The following GPATCH2 variants were observed in gnomAD, a reference collection of about 807,000 sequenced individuals.
GPATCH2 encodes the protein G-patch domain containing 2.
In GPATCH2, 51 loss-of-function variants were observed where a neutral mutation model predicts 58.0. The observed-to-expected ratio is 0.88, with a 90% CI of 0.70 to 1.11. The LOEUF is 1.11. Ranked by LOEUF, GPATCH2 falls within the 50% of genes most tolerant of loss-of-function variation. GPATCH2 has a pLI of 0.00. For synonymous variants in GPATCH2, 222 were observed against 218.5 expected (o/e 1.02, Z -0.14); for missense variants, 625 against 652.2 (o/e 0.96, Z 0.45).
At chr1:217,465,667 T>G (rs1307753988) in intron 8 of GPATCH2, among the ~76,000 whole-genome samples, 1 of 152,238 alleles carries the variant, frequency 6.6e-6, no homozygotes, top group Non-Finnish European at 1.5e-5. Flanking sequence ...CTGCCTTTCA[T>G]TCTTCACCGT....
At chr1:217,615,243 A>G (rs747862043) in intron 2 of GPATCH2, among the ~76,000 whole-genome samples, 23 of 152,152 alleles carry the variant, frequency 1.5e-4, no homozygotes, top group Non-Finnish European at 3.2e-4. Flanking sequence ...TCTGAATATA[A>G]TTTGTTTCTG....
At chr1:217,464,948 G>C (rs1660376674) in intron 8 of GPATCH2, among the ~76,000 whole-genome samples, 1 of 151,994 alleles carries the variant, frequency 6.6e-6, no homozygotes, top group African/African-American at 2.4e-5. Context: ...AACTACACCT[G>C]ATAATTCTAA....
At chr1:217,610,836 T>A in intron 4 of GPATCH2, 53 bp downstream of exon 4, 1 of 1,240,930 alleles carries the variant, frequency 8.1e-7, no homozygotes, top group Non-Finnish European at 1.2e-6. Context: ...GAATGAATAT[T>A]CCTAGACTGA....
chr1:217,595,837 T>C (rs978421608), intron 5 of GPATCH2, among the ~76,000 whole-genome samples: 3 of 152,106 alleles, frequency 2.0e-5, no homozygotes, highest in Non-Finnish European at 4.4e-5. Context: ...GAAAATCTGT[T>C]TGTGAACCCA....
chr1:217,433,896 T>G lies in GPATCH2; in HGVS notation c.1367-2531A>C, dbSNP rs895671182. On this transcript the variant is annotated intron_variant, in intron 9 of 9. Transcript: ENST00000366935. ...AAGGAAAGCCACAAAGTGCTAGACA[T>G]GAGTTTTAATACCTACACCCCTGTT... Among the ~76,000 whole-genome samples, 3 of 152,158 alleles carry G rather than the reference T, an allele frequency of 2.0e-5. No individual in the cohort carries two copies. In the East Asian group the frequency reaches 5.8e-4, roughly 29 times the overall value.
At chr1:217,612,975 C>A (rs1215656925) in intron 3 of GPATCH2, among the ~76,000 whole-genome samples, 1 of 152,122 alleles carries the variant, frequency 6.6e-6, no homozygotes, top group African/African-American at 2.4e-5. Context: ...GCATATCATT[C>A]TAAGCCTTTC....
At chr1:217,581,244 G>T (rs1667069555) in intron 5 of GPATCH2, among the ~76,000 whole-genome samples, 1 of 152,072 alleles carries the variant, frequency 6.6e-6, no homozygotes, top group Non-Finnish European at 1.5e-5. Flanking sequence ...GGTTAATAAG[G>T]TTAGTAAGCA....
intron 5 of GPATCH2, among the ~76,000 whole-genome samples, chr1:217,534,655 C>T (rs138181593): frequency 1.4e-4 from 22 of 152,186 alleles, no homozygotes; most frequent in African/African-American, 4.8e-4. Flanking sequence ...CACCACCACC[C>T]GGATTAAGCA....
At chr1:217,554,234 T>C (rs1665508014) in intron 5 of GPATCH2, among the ~76,000 whole-genome samples, 1 of 152,188 alleles carries the variant, frequency 6.6e-6, no homozygotes, top group Non-Finnish European at 1.5e-5. Context: ...CCATTTGCAA[T>C]TCATCACCTA....
intron 8 of GPATCH2, among the ~76,000 whole-genome samples, chr1:217,489,174 C>T (rs985418263): frequency 2.6e-5 from 4 of 151,312 alleles, no homozygotes; most frequent in Non-Finnish European, 5.9e-5. Context: ...TGGCCTCAAG[C>T]AATCCTCCTG....
intron 8 of GPATCH2, among the ~76,000 whole-genome samples, chr1:217,454,462 G>A (rs913277925): frequency 5.9e-5 from 9 of 151,514 alleles, no homozygotes; most frequent in African/African-American, 1.9e-4. Flanking sequence ...GGTGGTGGGC[G>A]CCTGTAGTCC....
chr1:217,461,373 G>A (rs1374923175), intron 8 of GPATCH2, among the ~76,000 whole-genome samples: 8 of 152,124 alleles, frequency 5.3e-5, no homozygotes, highest in Non-Finnish European at 1.5e-5. Context: ...ACTCATGGGA[G>A]AAAACAGTAT....
intron 5 of GPATCH2, among the ~76,000 whole-genome samples, chr1:217,600,915 T>C (rs972650990): frequency 2.0e-5 from 3 of 152,126 alleles, no homozygotes; most frequent in African/African-American, 7.2e-5. Context: ...AAATTCAATG[T>C]TTTTAAAGAC....
At chr1:217,596,900 G>T (rs1274321727) in intron 5 of GPATCH2, among the ~76,000 whole-genome samples, 1 of 152,012 alleles carries the variant, frequency 6.6e-6, no homozygotes, top group Non-Finnish European at 1.5e-5. Flanking sequence ...ACACTAGCTA[G>T]GACTTCCCAG....
chr1:217,607,422 T>A (rs1451893731), intron 5 of GPATCH2, among the ~76,000 whole-genome samples: 1 of 152,178 alleles, frequency 6.6e-6, no homozygotes, highest in Non-Finnish European at 1.5e-5. Flanking sequence ...TAGCCCCTTG[T>A]ATAGTGCTGA....
At chr1:217,585,576 C>T (rs978144554) in intron 5 of GPATCH2, among the ~76,000 whole-genome samples, 4 of 152,164 alleles carry the variant, frequency 2.6e-5, no homozygotes, top group East Asian at 1.9e-4. Flanking sequence ...GCCGAGATCA[C>T]GCCACTGCAC....
chr1:217,451,351 G>A (rs1350549507), intron 8 of GPATCH2, among the ~76,000 whole-genome samples: 1 of 152,124 alleles, frequency 6.6e-6, no homozygotes, highest in African/African-American at 2.4e-5. Flanking sequence ...CGAAAGCAAT[G>A]GGAAATACTT....
intron 5 of GPATCH2, among the ~76,000 whole-genome samples, chr1:217,589,402 C>T (rs1170685520): frequency 6.6e-6 from 1 of 152,124 alleles, no homozygotes; most frequent in Non-Finnish European, 1.5e-5. Context: ...ATAATGACTA[C>T]TACTTTTCCA....
At chr1:217,471,197 G>A (rs943240087) in intron 8 of GPATCH2, among the ~76,000 whole-genome samples, 3 of 151,990 alleles carry the variant, frequency 2.0e-5, no homozygotes, top group African/African-American at 7.2e-5. Context: ...ATTTACTAAG[G>A]TAGGATAGAC....
Sources: allele counts gnomAD v4.1 joint callset (sites outside exome capture counted in the v4.1 genomes callset), GRCh38; gene constraint gnomAD v4.1.1; transcripts MANE v1.5; gene names NCBI Gene and HGNC (gene_info 2026-07-23, HGNC 2026-07-21).